The following BUB3 variants were observed in gnomAD, a reference collection of about 807,000 sequenced individuals.
The protein encoded by BUB3 is BUB3 mitotic checkpoint protein, also known as mitotic checkpoint protein BUB3.
BUB3 carries 22 observed loss-of-function variants against 39.9 expected under a neutral mutation model. The ratio of observed to expected loss-of-function variants is 0.55; its 90% CI spans 0.39 to 0.79. The LOEUF (loss-of-function observed/expected upper bound fraction) is 0.79, where lower values mean the gene tolerates loss of function less well. Among genes scored for constraint, BUB3 ranks in the 30% least tolerant of loss-of-function variants. The pLI is 0.00. For missense variants in BUB3, 303 were observed against 415.4 expected (o/e 0.73, Z 2.35); for synonymous variants, 168 against 155.1 (o/e 1.08, Z -0.62).
chr10:123,163,946 T>G lies in BUB3; in HGVS notation c.*111T>G. ...CCAGGGAAAATATTAATTTTAATAT[T>G]ATAACAACCTGAAAATAATGGAAAA... On this transcript the variant is annotated 3_prime_UTR_variant, in exon 8 of 8. Coordinates refer to ENST00000368865, the MANE Select transcript of BUB3 (RefSeq NM_004725.4). 1.5e-6 allele frequency: 2 copies of G among 1,344,884 alleles called. No individual in the cohort carries two copies. The highest frequency in any genetic ancestry group is 1.9e-6 in the Non-Finnish European group (2 of 1,029,704). The allele number at this position is 1,344,884 out of a possible 1,614,324, so 83.3% of individuals were successfully genotyped here. A position where few individuals can be genotyped will look rare whatever the true frequency, so the allele number is the denominator to read the frequency against.
At position 123,155,026 on chromosome 10, in the gene BUB3, A is replaced by G. The variant is rs761397969; in HGVS notation, c.109A>G (p.Thr37Ala). ...SQFLLVSSWD[T>A]SVRLYDVPAN... ...GTTCCTGCTTGTCTCCTCCTGGGACACGTCCGTGCGTCTCTACGATGTGCC... is the reference window on the plus strand; with the variant it reads ...GTTCCTGCTTGTCTCCTCCTGGGACGCGTCCGTGCGTCTCTACGATGTGCC... The change falls in exon 2 of 8, where the codon ACG becomes GCG. Residue 37 changes from threonine (T) to alanine (A), a missense_variant. Physicochemically the swap from Thr to Ala is moderately conservative, Grantham distance 58. Around this residue, in one of 2 missense-constraint regions of BUB3, gnomAD observed 121 missense variants for 122.3 expected, o/e 0.99. Transcript: ENST00000368865. The G allele has an allele frequency of 4.3e-6, 7 of 1,614,062 alleles. No homozygotes were observed. The highest frequency in any genetic ancestry group is 5.9e-6 in the Non-Finnish European group (7 of 1,180,044).
At position 123,169,874 on chromosome 10, in the gene BUB3, T is replaced by C. The variant is rs1844529927; in HGVS notation, c.*6039T>C. 2 of 152,190 alleles carry C rather than the reference T, an allele frequency of 1.3e-5. No individual in the cohort carries two copies. Among genetic ancestry groups the C allele is most frequent in the East Asian group, 3.8e-4 (2 of 5,200 alleles). The allele number at this position is 152,190 out of a possible 1,614,324, so 9.4% of individuals were successfully genotyped here. On this transcript the variant is annotated 3_prime_UTR_variant, in exon 8 of 8. Transcript: ENST00000368865. ...AGTTAATTTGTGAGCCTGGGCAACA[T>C]GGCGTGACCCATCTCTACAAAAGAT...
chr10:123,168,550 G>A lies in BUB3; in HGVS notation c.*4715G>A, dbSNP rs1003423152. ...ACTTTTGTAAAACGTGAGATTTTTT[G>A]TGATTTTTTTTTTTTCGAGACACAG... On this transcript the variant is annotated 3_prime_UTR_variant, in exon 8 of 8. Transcript: ENST00000368865. 9 of 151,818 alleles carry A rather than the reference G, an allele frequency of 5.9e-5. No individual in the cohort carries two copies. Among genetic ancestry groups the A allele is most frequent in the African/African-American group, 9.7e-5 (4 of 41,350 alleles). The allele number at this position is 151,818 out of a possible 1,614,324, so 9.4% of individuals were successfully genotyped here.
chr10:123,157,847 T>G lies in BUB3; in HGVS notation c.384T>G (p.Pro128=). ...TTAAACTGTGGGATCCCAGAACTCC[T>G]TGTAATGCTGGGACCTTCTCTCAGC... ...QTVKLWDPRT[P]CNAGTFSQPE... The change falls in exon 4 of 8, where the codon CCT becomes CCG. Residue 128 remains proline (P), a synonymous_variant. Transcript: ENST00000368865. 1 of 1,614,054 alleles carries G rather than the reference T, an allele frequency of 6.2e-7. No homozygotes were observed. Among genetic ancestry groups the G allele is most frequent in the South Asian group, 1.1e-5 (1 of 91,052 alleles).
In BUB3 at chr10:123,160,406, G is replaced by T; in HGVS notation, c.418-1G>T. On this transcript the variant is annotated splice_acceptor_variant, in intron 4 of 7. Transcript: ENST00000368865. LOFTEE classifies it high-confidence loss of function. Reference sequence around the variant, plus strand: ...TAGCAAGTTTTGATCTTTTTTAAAAGGTATATACCCTCTCAGTGTCTGGAG... The same window carrying T: ...TAGCAAGTTTTGATCTTTTTTAAAATGTATATACCCTCTCAGTGTCTGGAG... The T allele has an allele frequency of 6.4e-7, 1 of 1,556,370 alleles. No homozygotes were observed. Among genetic ancestry groups the T allele is most frequent in the Non-Finnish European group, 8.6e-7 (1 of 1,158,162 alleles).
At position 123,165,112 on chromosome 10, in the gene BUB3, A is replaced by C; in HGVS notation, c.*1277A>C. 4 of 1,557,206 alleles carry C rather than the reference A, an allele frequency of 2.6e-6. No homozygotes were observed. The highest frequency in any genetic ancestry group is 3.5e-6 in the Non-Finnish European group (4 of 1,132,268). On this transcript the variant is annotated 3_prime_UTR_variant, in exon 8 of 8. Transcript: ENST00000368865. ...AGCTTTGTTTGCTTCCTACAAATAC[A>C]TGCTTATTCCTTAAGGGATGTGTTA...
intron 7 of BUB3, 27 bp downstream of exon 7, chr10:123,162,855 C>T (rs761029872): frequency 6.3e-7 from 1 of 1,586,724 alleles, no homozygotes; most frequent in South Asian, 1.1e-5. Context: ...TGTATTTGAG[C>T]CTTTTCTTGC....
intron 4 of BUB3, 62 bp from the exon 5 acceptor site, chr10:123,160,340 TTTTGG>T (rs2133568493): frequency 1.4e-6 from 2 of 1,409,730 alleles, no homozygotes; most frequent in Non-Finnish European, 9.4e-7. Context: ...ATGGACTTTA[TTTTGG>T]GGCAAAATGC....
intron 3 of BUB3, 22 bp downstream of exon 3, chr10:123,155,749 C>T (rs777409893): frequency 6.2e-7 from 1 of 1,609,458 alleles, no homozygotes; most frequent in African/African-American, 1.3e-5. Flanking sequence ...ATATCTTTAC[C>T]AGTTTGTTTT....
Position 123,154,414 on chromosome 10 carries a change from G to C in BUB3, c.-72G>C, listed in dbSNP as rs909642911. 1 of 155,156 alleles carries C rather than the reference G, an allele frequency of 6.4e-6. No individual in the cohort carries two copies. Among genetic ancestry groups the C allele is most frequent in the Non-Finnish European group, 1.4e-5 (1 of 70,048 alleles). 9.6% of individuals were successfully genotyped at this position (155,156 alleles called of 1,614,324 possible). A position where few individuals can be genotyped will look rare whatever the true frequency, so the allele number is the denominator to read the frequency against. ...TCGCCTAGCCTGCGAGTGTTCTGAG[G>C]GAAGCAAGGAGGCGGCGGCGGCCGC... is the stretch of plus-strand genomic sequence containing the variant. On this transcript the variant is annotated 5_prime_UTR_variant, in exon 1 of 8. Coordinates refer to ENST00000368865, the MANE Select transcript of BUB3 (RefSeq NM_004725.4).
chr10:123,155,794 A>AG, intron 3 of BUB3, 67 bp downstream of exon 3: 1 of 1,478,072 alleles, frequency 6.8e-7, no homozygotes, highest in South Asian at 1.1e-5. Context: ...ATGTTTATGT[A>AG]GGAAGAGTGG....
At chr10:123,160,975 T>G (rs1274583709) in intron 5 of BUB3, among the ~76,000 whole-genome samples, 1 of 152,212 alleles carries the variant, frequency 6.6e-6, no homozygotes, top group Non-Finnish European at 1.5e-5. Context: ...TTTTTGCCTT[T>G]TTGTAACCCT....
chr10:123,157,625 A>C (rs547449514), intron 3 of BUB3, 104 bp from the exon 4 acceptor site: 33 of 1,367,440 alleles, frequency 2.4e-5, no homozygotes, highest in Admixed American at 1.3e-4. Flanking sequence ...AGGCAAATTC[A>C]TTACAGTTGA....
At position 123,167,671 on chromosome 10, in the gene BUB3, T is replaced by C. The variant is rs1392133163; in HGVS notation, c.*3836T>C. Reference sequence around the variant, plus strand: ...ACCTTTGGCTTTGTTCATTAAGCATTTAGTGTCTTAGAAGTGATATGTTTA... The same window carrying C: ...ACCTTTGGCTTTGTTCATTAAGCATCTAGTGTCTTAGAAGTGATATGTTTA... On this transcript the variant is annotated 3_prime_UTR_variant, in exon 8 of 8. Coordinates refer to ENST00000368865, the MANE Select transcript of BUB3 (RefSeq NM_004725.4). 6.6e-6 allele frequency: 1 copy of C among 152,168 alleles called. No individual in the cohort carries two copies. The highest frequency in any genetic ancestry group is 2.4e-5 in the African/African-American group (1 of 41,434). 9.4% of individuals were successfully genotyped at this position (152,168 alleles called of 1,614,324 possible).
At chr10:123,155,501 C>A (rs1217688710) in intron 2 of BUB3, among the ~76,000 whole-genome samples, 157 bp from the exon 3 acceptor site, 1 of 152,152 alleles carries the variant, frequency 6.6e-6, no homozygotes, top group Non-Finnish European at 1.5e-5. Flanking sequence ...AGTTTAGTGA[C>A]CACTTGCTTT....
chr10:123,158,799 A>G (rs1844383357), intron 4 of BUB3, among the ~76,000 whole-genome samples: 1 of 152,254 alleles, frequency 6.6e-6, no homozygotes, highest in Non-Finnish European at 1.5e-5. Context: ...TATAATGGAC[A>G]GCCACACTGA....
rs1386484011 is a variant in BUB3 at position 123,169,705 on chromosome 10, CAG to C, written c.*5873_*5874del. 2.6e-5 allele frequency: 4 copies of C among 152,232 alleles called. No individual in the cohort carries two copies. The highest frequency in any genetic ancestry group is 9.6e-5 in the African/African-American group (4 of 41,468). The allele number at this position is 152,232 out of a possible 1,614,324, so 9.4% of individuals were successfully genotyped here. A position where few individuals can be genotyped will look rare whatever the true frequency, so the allele number is the denominator to read the frequency against. ...TGTCAAATCTTTGAGCCCACTCACTCAGAGGGCCTGTCACTCATCCAGAATTG... is the reference window on the plus strand; with the variant it reads ...TGTCAAATCTTTGAGCCCACTCACTCAGGGCCTGTCACTCATCCAGAATTG... On this transcript the variant is annotated 3_prime_UTR_variant, in exon 8 of 8. Transcript: ENST00000368865.
In BUB3 at chr10:123,154,835, C is replaced by T. The variant is rs1265057990; in HGVS notation, c.1-83C>T. ...GCGGTCGTCCTCTCGGCCCCTCCCTCTGGGGGGACCCCCAGTGCCAGGCTG... is the reference window on the plus strand; with the variant it reads ...GCGGTCGTCCTCTCGGCCCCTCCCTTTGGGGGGACCCCCAGTGCCAGGCTG... On this transcript the variant is annotated intron_variant, in intron 1 of 7. Coordinates refer to ENST00000368865, the MANE Select transcript of BUB3 (RefSeq NM_004725.4). 5.4e-6 allele frequency: 8 copies of T among 1,474,316 alleles called. No individual in the cohort carries two copies. The South Asian group carries it at 7.8e-5, about 14-fold the overall frequency. 91.3% of individuals were successfully genotyped at this position (1,474,316 alleles called of 1,614,324 possible). A position where few individuals can be genotyped will look rare whatever the true frequency, so the allele number is the denominator to read the frequency against.
At position 123,163,892 on chromosome 10, in the gene BUB3, C is replaced by CA; in HGVS notation, c.*59dup. 1.3e-6 allele frequency: 2 copies of CA among 1,538,496 alleles called. No homozygotes were observed. The highest frequency in any genetic ancestry group is 1.7e-4 in the Middle Eastern group (1 of 5,774). On this transcript the variant is annotated 3_prime_UTR_variant, in exon 8 of 8. Transcript: ENST00000368865. Reference sequence around the variant, plus strand: ...TGATAATAAAACAATTCGTACTCCCCAATGGTGGATTTATTACTATTAAAG... The same window carrying CA: ...TGATAATAAAACAATTCGTACTCCCCAAATGGTGGATTTATTACTATTAAAG...
Sources: allele counts gnomAD v4.1 joint callset (sites outside exome capture counted in the v4.1 genomes callset), GRCh38; gene constraint gnomAD v4.1.1; regional missense constraint gnomAD v4.1.1; transcripts MANE v1.5; gene names NCBI Gene and HGNC (gene_info 2026-07-23, HGNC 2026-07-21).